FAM83A: variants seen among roughly 807,000 people sequenced by gnomAD.
FAM83A encodes scaffolding CK1 anchoring protein A.
In FAM83A, 21 loss-of-function variants were observed where a neutral mutation model predicts 24.4. The observed-to-expected ratio is 0.86, with a 90% CI of 0.61 to 1.24. FAM83A has a LOEUF of 1.24. Among genes scored for constraint, FAM83A ranks in the 50% most tolerant of loss-of-function variants. FAM83A has a pLI of 0.00. For synonymous variants in FAM83A, 270 were observed against 252.4 expected (o/e 1.07, Z -0.66); for missense variants, 617 against 579.8 (o/e 1.06, Z -0.66).
intron 3 of FAM83A, among the ~76,000 whole-genome samples, chr8:123,195,463 C>T (rs530663208): frequency 3.3e-5 from 5 of 152,274 alleles, no homozygotes; most frequent in South Asian, 2.1e-4. Flanking sequence ...TTATTAGTGC[C>T]GTTTAGCTGA....
rs537640442 is a variant in FAM83A, at chr8:123,209,348, T to A, written c.*1660T>A. 3.5e-4 allele frequency: 503 copies of A among 1,456,838 alleles called. No homozygotes were observed. The highest frequency in any genetic ancestry group is 4.3e-4 in the Non-Finnish European group (478 of 1,109,648). The allele number at this position is 1,456,838 out of a possible 1,614,324, so 90.2% of individuals were successfully genotyped here. A position where few individuals can be genotyped will look rare whatever the true frequency, so the allele number is the denominator to read the frequency against. On this transcript the variant is annotated 3_prime_UTR_variant, in exon 4 of 4. Coordinates refer to ENST00000690554, the Ensembl canonical transcript of FAM83A. The surrounding 1 kb of genome is among the most constrained non-coding windows in gnomAD (Gnocchi z 4.7). ...ACTGCTCCCAGCATGATCTGGGGCA[T>A]CTTGGCTTCTGGTTTCTTTTATTAT... is the stretch of plus-strand genomic sequence containing the variant.
exon 1 of FAM83A, chr8:123,183,266 T>G (rs1823673300): frequency 1.4e-5 from 23 of 1,613,344 alleles, no homozygotes; most frequent in Non-Finnish European, 1.9e-5. Flanking sequence ...AGCGCCACTG[T>G]GTACTTCCAG....
intron 1 of FAM83A, among the ~76,000 whole-genome samples, chr8:123,191,472 A>G (rs1823972100): frequency 6.6e-6 from 1 of 152,080 alleles, no homozygotes; most frequent in African/African-American, 2.4e-5. Context: ...ACCGGTTGAG[A>G]TGCTTCTTCT....
chr8:123,187,045 G>C (rs1018959956), intron 1 of FAM83A, among the ~76,000 whole-genome samples: 2 of 152,198 alleles, frequency 1.3e-5, no homozygotes, highest in Non-Finnish European at 2.9e-5. Context: ...CTTCACGGAA[G>C]AGGTGGTCTC....
intron 1 of FAM83A, 143 bp downstream of exon 1, chr8:123,183,479 C>T (rs1442754083): frequency 7.6e-7 from 1 of 1,313,312 alleles, no homozygotes; most frequent in African/African-American, 1.5e-5. Context: ...TGCTGTCCGC[C>T]TTGCCCTGGA....
Position 123,209,360 on chromosome 8 carries a change from G to T in FAM83A, c.*1672G>T. 1 of 1,462,488 alleles carries T rather than the reference G, an allele frequency of 6.8e-7. No homozygotes were observed. The allele number at this position is 1,462,488 out of a possible 1,614,324, so 90.6% of individuals were successfully genotyped here. ...ATGATCTGGGGCATCTTGGCTTCTGGTTTCTTTTATTATTATTATTATTAT... is the reference window on the plus strand; with the variant it reads ...ATGATCTGGGGCATCTTGGCTTCTGTTTTCTTTTATTATTATTATTATTAT... On this transcript the variant is annotated 3_prime_UTR_variant, in exon 4 of 4. Transcript: ENST00000690554. The surrounding 1 kb of genome is among the most constrained non-coding windows in gnomAD (Gnocchi z 4.7).
At chr8:123,198,353 G>A (rs943084476) in intron 3 of FAM83A, among the ~76,000 whole-genome samples, 1 of 152,120 alleles carries the variant, frequency 6.6e-6, no homozygotes, top group Non-Finnish European at 1.5e-5. Context: ...AAAGGAGAAG[G>A]CCTGGGAACA....
At chr8:123,183,423 C>A (rs1823684051) in intron 1 of FAM83A, 87 bp downstream of exon 1, 3 of 1,525,522 alleles carry the variant, frequency 2.0e-6, no homozygotes, top group South Asian at 1.3e-5. Flanking sequence ...GCATTTTGCT[C>A]CCAGGGCGAG....
At chr8:123,207,595 C>T in exon 4 of FAM83A, 1 of 1,569,844 alleles carries the variant, frequency 6.4e-7, no homozygotes, top group Admixed American at 1.8e-5. Flanking sequence ...TGGGGGCCTA[C>T]AGGCCCACGC....
exon 4 of FAM83A, chr8:123,208,509 G>A: frequency 1.0e-6 from 1 of 985,522 alleles, no homozygotes; most frequent in Non-Finnish European, 1.2e-6. Flanking sequence ...TGAGCAGCAG[G>A]GAGGGCTCAG....
exon 4 of FAM83A, chr8:123,207,968 T>G: frequency 3.3e-6 from 4 of 1,215,970 alleles, no homozygotes; most frequent in Non-Finnish European, 4.1e-6. Context: ...AGAGTCCCTG[T>G]CTTCCAGAGA....
At chr8:123,194,610 A>C (rs775217875) in intron 3 of FAM83A, among the ~76,000 whole-genome samples, 1 of 151,660 alleles carries the variant, frequency 6.6e-6, no homozygotes, top group Non-Finnish European at 1.5e-5. Flanking sequence ...CAGCCCCCCA[A>C]GTAGCTGGGA....
chr8:123,189,015 T>C (rs117916579), intron 1 of FAM83A, among the ~76,000 whole-genome samples: 2,123 of 152,340 alleles, frequency 0.014, 17 homozygotes, highest in Middle Eastern at 0.034. Flanking sequence ...GATGATTCAT[T>C]GGCATAGAAC....
intron 3 of FAM83A, among the ~76,000 whole-genome samples, chr8:123,199,112 A>G (rs1824260989): frequency 6.6e-6 from 1 of 152,184 alleles, no homozygotes. Context: ...ACAAAATGGA[A>G]AACAATAACG....
intron 1 of FAM83A, among the ~76,000 whole-genome samples, chr8:123,188,929 C>T (rs992733087): frequency 4.6e-5 from 7 of 152,204 alleles, no homozygotes; most frequent in African/African-American, 1.7e-4. Flanking sequence ...TCCTTTAATT[C>T]AAGATGCTGG....
exon 3 of FAM83A, chr8:123,194,129 G>A (rs763611459): frequency 6.2e-7 from 1 of 1,614,046 alleles, no homozygotes. Context: ...CTGGAGATTT[G>A]TCCTGTCTGG....
intron 3 of FAM83A, chr8:123,202,206 A>C (rs997823595): frequency 6.5e-6 from 1 of 152,688 alleles, no homozygotes; most frequent in African/African-American, 2.4e-5. Flanking sequence ...CTACATCCTT[A>C]CCAGGGCCTC....
exon 1 of FAM83A, chr8:123,183,080 C>T (rs1823662677): frequency 1.2e-6 from 2 of 1,613,828 alleles, no homozygotes; most frequent in South Asian, 1.1e-5. Context: ...CAGGCCCAGG[C>T]CAGGGAGCCC....
exon 4 of FAM83A, chr8:123,207,652 C>G: frequency 2.0e-6 from 3 of 1,538,130 alleles, no homozygotes; most frequent in Non-Finnish European, 1.7e-6. Flanking sequence ...TGACTCCAAC[C>G]TGGAGGCCCT....
Sources: gnomAD v4.1 joint callset for allele counts (sites outside exome capture counted in the v4.1 genomes callset) on GRCh38, gnomAD v4.1.1 for gene constraint, Gnocchi (gnomAD v3.1) non-coding constraint, MANE v1.5 for transcripts, NCBI Gene and HGNC (gene_info 2026-07-23, HGNC 2026-07-21) for gene names.